Variants in SVEP1 observed in about 807,000 individuals in gnomAD.
SVEP1 encodes sushi, von Willebrand factor type A, EGF and pentraxin domain containing 1.
A neutral mutation model predicts 367.3 loss-of-function variants in SVEP1; 164 were observed. The observed-to-expected ratio is 0.45, with a 90% confidence interval of 0.39 to 0.51. SVEP1 has a LOEUF of 0.51. Ranked by LOEUF, SVEP1 falls within the 20% of genes least tolerant of loss-of-function variation. SVEP1 has a pLI of 0.00. For missense variants in SVEP1, 4,117 were observed against 4,425.3 expected (o/e 0.93, Z 1.98); for synonymous variants, 1,666 against 1,611.6 (o/e 1.03, Z -0.81).
At chr9:110,443,995 C>T (rs1461744597) in intron 26 of SVEP1, among the ~76,000 whole-genome samples, 2 of 152,052 alleles carry the variant, frequency 1.3e-5, no homozygotes, top group Admixed American at 6.5e-5. Flanking sequence ...AGAAGTTGCT[C>T]CAATTTGAGA....
intron 11 of SVEP1, 25 bp from the exon 12 acceptor site, chr9:110,481,461 C>A: frequency 1.4e-6 from 2 of 1,449,302 alleles, no homozygotes; most frequent in South Asian, 1.6e-5. Flanking sequence ...TTGTACTATT[C>A]ATATATAGTG....
At chr9:110,565,010 C>T (rs931586758) in intron 1 of SVEP1, among the ~76,000 whole-genome samples, 3 of 152,070 alleles carry the variant, frequency 2.0e-5, no homozygotes, top group African/African-American at 7.2e-5. Context: ...TAGTTTATTA[C>T]CTACCATACT....
chr9:110,561,216 C>T (rs1303037126), intron 1 of SVEP1, among the ~76,000 whole-genome samples: 1 of 152,088 alleles, frequency 6.6e-6, no homozygotes, highest in South Asian at 2.1e-4. Context: ...CTCTTTCCAC[C>T]TCCCAATACA....
At chr9:110,372,750 A>C (rs1827297437) in intron 46 of SVEP1, among the ~76,000 whole-genome samples, 1 of 152,148 alleles carries the variant, frequency 6.6e-6, no homozygotes, top group African/African-American at 2.4e-5. Context: ...GGCTGCTTGC[A>C]AGGGTAGTGA....
At chr9:110,558,962 T>C (rs1830389032) in intron 1 of SVEP1, among the ~76,000 whole-genome samples, 1 of 152,096 alleles carries the variant, frequency 6.6e-6, no homozygotes. Context: ...TAAAAGGAAG[T>C]AATAATCCAA....
chr9:110,400,829 C>G (rs1477109449), intron 40 of SVEP1, 25 bp downstream of exon 40: 2 of 1,586,370 alleles, frequency 1.3e-6, no homozygotes, highest in Admixed American at 3.7e-5. Flanking sequence ...CAAATTATTT[C>G]TAGTTAAACA....
intron 8 of SVEP1, among the ~76,000 whole-genome samples, chr9:110,490,030 T>C (rs1172485794): frequency 6.6e-6 from 1 of 152,202 alleles, no homozygotes; most frequent in Non-Finnish European, 1.5e-5. Context: ...TGCTCTTATG[T>C]AGTCCTTAAA....
chr9:110,407,120 A>G lies in SVEP1; in HGVS notation c.8480T>C (p.Ile2827Thr). 1.9e-6 allele frequency: 3 copies of G among 1,613,968 alleles called. No individual in the cohort carries two copies. The highest frequency in any genetic ancestry group is 2.5e-6 in the Non-Finnish European group (3 of 1,179,892). The change falls in exon 38 of 48, where the codon ATT (isoleucine) becomes ACT (threonine). Residue 2827 changes from isoleucine to threonine, a missense_variant. This residue lies in a region of SVEP1 where 1,765 missense variants were observed against 1,781.1 expected (regional missense o/e 0.99). Transcript: ENST00000374469. ...TGAACTGCAGTCCACAGGAATGCAA[A>G]TGGGCTCATCCTCATCCCAGTTTTT... ...DDKNWDEDEP[I>T]CIPVDCSSPP...
intron 46 of SVEP1, among the ~76,000 whole-genome samples, chr9:110,373,066 A>T (rs528329571): frequency 6.6e-6 from 1 of 152,268 alleles, no homozygotes; most frequent in African/African-American, 2.4e-5. Context: ...AGCAGGAAGG[A>T]ACAAAAATAA....
At chr9:110,535,410 G>A (rs182084078) in intron 3 of SVEP1, among the ~76,000 whole-genome samples, 71 of 152,152 alleles carry the variant, frequency 4.7e-4, no homozygotes, top group African/African-American at 1.5e-3. Flanking sequence ...TGCTATTTTG[G>A]TTACTGTAGG....
At chr9:110,496,168 CAA>C (rs1353077662) in intron 8 of SVEP1, among the ~76,000 whole-genome samples, 1 of 152,192 alleles carries the variant, frequency 6.6e-6, no homozygotes, top group Non-Finnish European at 1.5e-5. Context: ...AGTTCATACA[CAA>C]AGAGTATTGT....
chr9:110,579,728 A>G lies in SVEP1; in HGVS notation c.-185T>C. ...ATCCAGACTCCTCAGCAGCTCGGGA[A>G]CTCCGGAGGGAACGGCGCGCGCTCT... is the stretch of plus-strand genomic sequence containing the variant. On this transcript the variant is annotated 5_prime_UTR_variant, in exon 1 of 48. Transcript: ENST00000374469. This position sits in a 1 kb window ranked among gnomAD's most constrained non-coding sequence, Gnocchi z 5.3. The G allele has an allele frequency of 1.6e-6, 1 of 644,188 alleles. No homozygotes were observed. The highest frequency in any genetic ancestry group is 2.7e-5 in the South Asian group (1 of 37,500). 39.9% of individuals were successfully genotyped at this position (644,188 alleles called of 1,614,324 possible).
At chr9:110,423,996 C>T (rs773471633) in intron 36 of SVEP1, among the ~76,000 whole-genome samples, 1 of 152,154 alleles carries the variant, frequency 6.6e-6, no homozygotes, top group Non-Finnish European at 1.5e-5. Context: ...GTGATAAACA[C>T]TATTGTAGGC....
At chr9:110,430,587 G>C (rs1243284225) in intron 32 of SVEP1, 137 bp from the exon 33 acceptor site, 2 of 824,544 alleles carry the variant, frequency 2.4e-6, no homozygotes, top group Non-Finnish European at 3.8e-6. Context: ...AAATGCATGA[G>C]GGCCCAGAGA....
At chr9:110,396,067 A>G (rs987675179) in intron 40 of SVEP1, among the ~76,000 whole-genome samples, 9 of 152,132 alleles carry the variant, frequency 5.9e-5, no homozygotes, top group Admixed American at 5.2e-4. Context: ...TCAGCACCAC[A>G]CCTATTCCAA....
At chr9:110,376,527 AG>A (rs1827353574) in intron 45 of SVEP1, among the ~76,000 whole-genome samples, 1 of 152,224 alleles carries the variant, frequency 6.6e-6, no homozygotes, top group Non-Finnish European at 1.5e-5. Flanking sequence ...TAGTTGAAAA[AG>A]TCACACTTAA....
intron 5 of SVEP1, among the ~76,000 whole-genome samples, chr9:110,507,516 G>A (rs1019130632): frequency 1.3e-5 from 2 of 152,172 alleles, no homozygotes; most frequent in Non-Finnish European, 2.9e-5. Flanking sequence ...TAGAGAAAAT[G>A]CAAGAGTTAG....
chr9:110,519,791 T>C (rs182649212), intron 3 of SVEP1, among the ~76,000 whole-genome samples: 18 of 152,288 alleles, frequency 1.2e-4, no homozygotes, highest in Admixed American at 1.1e-3. Context: ...GAAGGGACAG[T>C]AGACTTGGAG....
Position 110,386,080 on chromosome 9 carries a change from A to AAAAAGAAAAGAAAATGCTTACTGATAT in SVEP1, c.10061-33_10061-7dup. On this transcript the variant is annotated splice_polypyrimidine_tract_variant and splice_region_variant and intron_variant, in intron 42 of 47. Transcript: ENST00000374469. Reference sequence around the variant, plus strand: ...AGGAACAGGGCATGGATTTGCTGTCAAAAAGAAAAGAAAATGCTTACTGAT... The same window carrying AAAAAGAAAAGAAAATGCTTACTGATAT: ...AGGAACAGGGCATGGATTTGCTGTCAAAAAGAAAAGAAAATGCTTACTGATATAAAAGAAAAGAAAATGCTTACTGAT... 6.2e-7 allele frequency: 1 copy of AAAAAGAAAAGAAAATGCTTACTGATAT among 1,602,136 alleles called. No individual in the cohort carries two copies. The highest frequency in any genetic ancestry group is 1.1e-5 in the South Asian group (1 of 88,814).
Sources: allele counts gnomAD v4.1 joint callset (sites outside exome capture counted in the v4.1 genomes callset), GRCh38; gene constraint gnomAD v4.1.1; regional missense constraint gnomAD v4.1.1; non-coding constraint Gnocchi (gnomAD v3.1); transcripts MANE v1.5; gene names NCBI Gene and HGNC (gene_info 2026-07-23, HGNC 2026-07-21).